ARHGEF26: variants seen among roughly 807,000 people sequenced by gnomAD.
The protein encoded by ARHGEF26 is Rho guanine nucleotide exchange factor 26.
Under a neutral mutation model 89.4 loss-of-function variants are expected in ARHGEF26, and 59 were observed. The ratio of observed to expected loss-of-function variants is 0.66; its 90% CI spans 0.54 to 0.82. The LOEUF (loss-of-function observed/expected upper bound fraction) is 0.82. Ranked by LOEUF, ARHGEF26 falls within the 40% of genes least tolerant of loss-of-function variation. The pLI is 0.00. For synonymous variants in ARHGEF26, 500 were observed against 428.4 expected, an observed-to-expected ratio of 1.17 and a Z score of -2.06; for missense variants, 1,234 against 1,085.6, an observed-to-expected ratio of 1.14 and a Z score of -1.92.
chr3:154,128,244 ATCT>A (rs964532607), intron 3 of ARHGEF26, among the ~76,000 whole-genome samples: 33 of 151,952 alleles, frequency 2.2e-4, no homozygotes, highest in African/African-American at 4.6e-4. Context: ...CACAACTCCC[ATCT>A]TCTTCTTCTT....
chr3:154,257,078 C>T lies in ARHGEF26; in HGVS notation c.*1605C>T. Reference sequence around the variant, plus strand: ...CAACTACTGTCCGCTAACTAGTTATCCAAATTGTAAAGCTACAGAAGCCCA... The same window carrying T: ...CAACTACTGTCCGCTAACTAGTTATTCAAATTGTAAAGCTACAGAAGCCCA... On this transcript the variant is annotated 3_prime_UTR_variant, in exon 15 of 15. Transcript: ENST00000465093. The T allele has an allele frequency of 7.4e-7, 1 of 1,347,880 alleles. No homozygotes were observed. Among genetic ancestry groups the T allele is most frequent in the Non-Finnish European group, 9.7e-7 (1 of 1,031,242 alleles). The allele number at this position is 1,347,880 out of a possible 1,614,324, so 83.5% of individuals were successfully genotyped here.
chr3:154,213,041 C>G (rs2108235675), intron 9 of ARHGEF26, among the ~76,000 whole-genome samples: 1 of 152,150 alleles, frequency 6.6e-6, no homozygotes, highest in Admixed American at 6.5e-5. Context: ...TATATAATGC[C>G]AAAGTGCCTT....
At chr3:154,165,497 G>A (rs533232898) in intron 6 of ARHGEF26, among the ~76,000 whole-genome samples, 88 of 152,058 alleles carry the variant, frequency 5.8e-4, no homozygotes, top group African/African-American at 2.0e-3. Flanking sequence ...ATATTTTTCC[G>A]GACTCTTTGA....
chr3:154,201,590 C>T (rs2108210689), intron 9 of ARHGEF26, among the ~76,000 whole-genome samples: 1 of 152,208 alleles, frequency 6.6e-6, no homozygotes, highest in Non-Finnish European at 1.5e-5. Flanking sequence ...CTGACTTCCA[C>T]AATGGTTGAA....
chr3:154,149,234 T>C (rs1338233326), intron 4 of ARHGEF26, among the ~76,000 whole-genome samples, 155 bp from the exon 5 acceptor site: 1 of 33,926 alleles, frequency 2.9e-5, no homozygotes, highest in African/African-American at 1.1e-4. Flanking sequence ...TAAATAACTG[T>C]TGATTAATTA....
intron 11 of ARHGEF26, among the ~76,000 whole-genome samples, chr3:154,227,076 C>T (rs2108263050): frequency 6.6e-6 from 1 of 152,238 alleles, no homozygotes; most frequent in Admixed American, 6.5e-5. Context: ...TCCTTTTAAT[C>T]AGACCATATT....
intron 6 of ARHGEF26, 77 bp downstream of exon 6, chr3:154,153,009 G>A: frequency 8.0e-7 from 1 of 1,251,424 alleles, no homozygotes; most frequent in Non-Finnish European, 1.0e-6. Context: ...TCTAAAGGAA[G>A]GCATTTCTGG....
At chr3:154,125,227 C>G (rs1415094517) in intron 3 of ARHGEF26, among the ~76,000 whole-genome samples, 1 of 152,108 alleles carries the variant, frequency 6.6e-6, no homozygotes, top group African/African-American at 2.4e-5. Flanking sequence ...ATAGGTCAAG[C>G]AAATGTACAA....
chr3:154,203,149 TC>T (rs1269797577), intron 9 of ARHGEF26, among the ~76,000 whole-genome samples: 1 of 152,174 alleles, frequency 6.6e-6, no homozygotes, highest in Non-Finnish European at 1.5e-5. Context: ...CATGGATAGC[TC>T]TTATTATTTA....
intron 6 of ARHGEF26, among the ~76,000 whole-genome samples, chr3:154,166,679 GT>G (rs2108129213): frequency 6.6e-6 from 1 of 152,234 alleles, no homozygotes; most frequent in South Asian, 2.1e-4. Context: ...CAATGCCTGT[GT>G]TTTTTCTTGT....
chr3:154,246,256 C>G (rs146117815), intron 12 of ARHGEF26, among the ~76,000 whole-genome samples: 74 of 152,250 alleles, frequency 4.9e-4, no homozygotes, highest in African/African-American at 1.7e-3. Context: ...CCAAAGGGAA[C>G]AGCAGGTGCA....
intron 4 of ARHGEF26, among the ~76,000 whole-genome samples, chr3:154,130,977 C>T (rs1718652199): frequency 6.6e-6 from 1 of 152,202 alleles, no homozygotes. Flanking sequence ...CCTCTTCTAA[C>T]CTGTATTGGA....
intron 11 of ARHGEF26, among the ~76,000 whole-genome samples, chr3:154,229,112 T>C (rs1158190509): frequency 6.6e-6 from 1 of 152,246 alleles, no homozygotes; most frequent in Non-Finnish European, 1.5e-5. Flanking sequence ...TGCTTGTGCT[T>C]GTAAAGCTGG....
intron 10 of ARHGEF26, among the ~76,000 whole-genome samples, chr3:154,219,967 G>A (rs897282852): frequency 7.4e-5 from 11 of 149,410 alleles, no homozygotes; most frequent in African/African-American, 2.5e-4. Context: ...AACATCAGTT[G>A]AGTTCCTGAG....
chr3:154,217,813 G>GA (rs1423665694), intron 9 of ARHGEF26, 56 bp from the exon 10 acceptor site: 6 of 1,355,372 alleles, frequency 4.4e-6, no homozygotes, highest in East Asian at 5.0e-5. Context: ...TTCTGCTTTT[G>GA]AAAGTGAGGT....
At chr3:154,255,001 T>TC (rs945871821) in intron 14 of ARHGEF26, among the ~76,000 whole-genome samples, 177 bp downstream of exon 14, 1 of 152,154 alleles carries the variant, frequency 6.6e-6, no homozygotes, top group Admixed American at 6.5e-5. Flanking sequence ...TTTTCTTTTT[T>TC]CCCCAGTCCC....
intron 6 of ARHGEF26, among the ~76,000 whole-genome samples, chr3:154,155,994 C>T (rs1720318052): frequency 6.6e-6 from 1 of 151,652 alleles, no homozygotes; most frequent in Non-Finnish European, 1.5e-5. Context: ...TCATATTGTT[C>T]TAGATTTTAA....
rs547816471 is a variant in ARHGEF26 at position 154,142,758 on chromosome 3, C to A, written c.1270-6631C>A. ...TCAGACCTGTTGTACCTTCCTTAAC[C>A]CCTTGACTCATACCTTCACTATGTG... On this transcript the variant is annotated intron_variant, in intron 4 of 14. Coordinates refer to ENST00000465093, the MANE Select transcript of ARHGEF26 (RefSeq NM_015595.4). Among the ~76,000 whole-genome samples the A allele has an allele frequency of 6.9e-4, 105 of 152,248 alleles. 1 individual carries two copies. The highest frequency in any genetic ancestry group is 2.5e-3 in the African/African-American group (103 of 41,550).
chr3:154,253,025 T>G (rs1718254921), intron 12 of ARHGEF26, 91 bp from the exon 13 acceptor site: 14 of 1,391,568 alleles, frequency 1.0e-5, no homozygotes, highest in Non-Finnish European at 1.3e-5. Flanking sequence ...TCTTGTTTTC[T>G]GGGAGTGCCT....
Sources: gnomAD v4.1 joint callset for allele counts (sites outside exome capture counted in the v4.1 genomes callset) on GRCh38, gnomAD v4.1.1 for gene constraint, MANE v1.5 for transcripts, NCBI Gene and HGNC (gene_info 2026-07-23, HGNC 2026-07-21) for gene names.